The following PRKD1 variants were observed in gnomAD, a reference collection of about 807,000 sequenced individuals.
PRKD1 encodes protein kinase D1.
In PRKD1, 63 loss-of-function variants were observed where a neutral mutation model predicts 95.9. The ratio of observed to expected loss-of-function variants is 0.66; its 90% CI spans 0.54 to 0.81. The LOEUF (loss-of-function observed/expected upper bound fraction) is 0.81. Ranked by LOEUF, PRKD1 falls within the 30% of genes least tolerant of loss-of-function variation. The probability of loss-of-function intolerance (pLI) is 0.00; values close to 1 mark genes in which losing one functional copy is unlikely to be tolerated. For missense variants in PRKD1, 1,048 were observed against 1,165.3 expected (o/e 0.90, Z 1.47); for synonymous variants, 425 against 423.1 (o/e 1.00, Z -0.05).
chr14:29,684,189 C>T (rs902910972), intron 2 of PRKD1, among the ~76,000 whole-genome samples: 7 of 145,506 alleles, frequency 4.8e-5, no homozygotes, highest in African/African-American at 1.3e-4. Context: ...CTCACTCTAT[C>T]GCCCAGGCTG....
At chr14:29,925,003 C>G (rs529212758) in intron 1 of PRKD1, among the ~76,000 whole-genome samples, 1 of 152,090 alleles carries the variant, frequency 6.6e-6, no homozygotes, top group Admixed American at 6.6e-5. Flanking sequence ...TTACAGTATT[C>G]TGTATATAAA....
chr14:29,846,831 G>C (rs1892096768), intron 1 of PRKD1, among the ~76,000 whole-genome samples: 1 of 152,150 alleles, frequency 6.6e-6, no homozygotes. Context: ...ACATTGTAAA[G>C]ATACAGCTGA....
chr14:29,617,884 T>G (rs1367332927), intron 13 of PRKD1, among the ~76,000 whole-genome samples: 1 of 150,002 alleles, frequency 6.7e-6, no homozygotes, highest in South Asian at 2.1e-4. Context: ...CTGGGTAACA[T>G]AGAGAGGCTC....
intron 1 of PRKD1, among the ~76,000 whole-genome samples, chr14:29,878,715 GAGAC>G (rs1262455816): frequency 6.6e-6 from 1 of 152,150 alleles, no homozygotes; most frequent in Non-Finnish European, 1.5e-5. Context: ...CAAATTCATG[GAGAC>G]AGAAAGAAGG....
intron 1 of PRKD1, among the ~76,000 whole-genome samples, chr14:29,734,282 C>T (rs111393453): frequency 0.18 from 27,234 of 151,810 alleles, 2,520 homozygotes; most frequent in South Asian, 0.24. Flanking sequence ...CCTCATGATC[C>T]ACCCGCCTTG....
chr14:29,599,818 C>G lies in PRKD1; in HGVS notation c.1906-1G>C. The stretch of plus-strand genomic sequence containing the variant: ...TTACAACACCAGGGTGATGAAGGTT[C>G]TATTAAAGATAAATAAAGCACTTGA... On this transcript the variant is annotated splice_acceptor_variant, in intron 13 of 17. Coordinates refer to ENST00000331968, the MANE Select transcript of PRKD1 (RefSeq NM_002742.3). LOFTEE classifies it high-confidence loss of function. 1.2e-6 allele frequency: 2 copies of G among 1,602,466 alleles called. No homozygotes were observed. Among genetic ancestry groups the G allele is most frequent in the Non-Finnish European group, 1.7e-6 (2 of 1,176,868 alleles).
intron 1 of PRKD1, among the ~76,000 whole-genome samples, chr14:29,789,598 G>C (rs1179378130): frequency 6.6e-6 from 1 of 152,192 alleles, no homozygotes; most frequent in African/African-American, 2.4e-5. Flanking sequence ...AGGCACCTAG[G>C]TGGTGCCTAT....
chr14:29,903,540 A>T (rs1192791438), intron 1 of PRKD1, among the ~76,000 whole-genome samples: 4 of 152,200 alleles, frequency 2.6e-5, no homozygotes, highest in Non-Finnish European at 4.4e-5. Context: ...TGTAAAAGGT[A>T]GTCTTCCAGA....
At chr14:29,616,457 T>C (rs63040264) in intron 13 of PRKD1, among the ~76,000 whole-genome samples, 5 of 145,140 alleles carry the variant, frequency 3.4e-5, no homozygotes, top group African/African-American at 5.0e-5. Context: ...TTTTTTTTTT[T>C]CCAAGAGACA....
intron 1 of PRKD1, among the ~76,000 whole-genome samples, chr14:29,832,185 A>G (rs1260133351): frequency 6.6e-6 from 1 of 152,116 alleles, no homozygotes; most frequent in African/African-American, 2.4e-5. Context: ...TTCACCCAAT[A>G]TAGAGATAGT....
At chr14:29,873,012 T>C (rs904973282) in intron 1 of PRKD1, among the ~76,000 whole-genome samples, 1 of 152,212 alleles carries the variant, frequency 6.6e-6, no homozygotes. Flanking sequence ...AATGCATAAG[T>C]GAGGAGTACA....
chr14:29,779,866 C>G (rs1026211395), intron 1 of PRKD1, among the ~76,000 whole-genome samples: 2 of 152,196 alleles, frequency 1.3e-5, no homozygotes, highest in African/African-American at 4.8e-5. Context: ...CTGGAGGCAT[C>G]ATGCTACCTG....
chr14:29,911,693 G>T (rs1894719533), intron 1 of PRKD1, among the ~76,000 whole-genome samples: 1 of 152,164 alleles, frequency 6.6e-6, no homozygotes, highest in Non-Finnish European at 1.5e-5. Context: ...TGACATATTA[G>T]TTTCTTACTG....
intron 1 of PRKD1, among the ~76,000 whole-genome samples, chr14:29,757,084 A>G (rs1198295032): frequency 6.6e-6 from 1 of 152,214 alleles, no homozygotes; most frequent in Non-Finnish European, 1.5e-5. Context: ...GGTTAAATGA[A>G]TCAATCATGT....
At chr14:29,735,226 G>T (rs142235976) in intron 1 of PRKD1, among the ~76,000 whole-genome samples, 1 of 152,034 alleles carries the variant, frequency 6.6e-6, no homozygotes, top group Admixed American at 6.6e-5. Flanking sequence ...TCCATAACTG[G>T]TAAGAGTGCA....
chr14:29,806,178 G>A (rs1393636228), intron 1 of PRKD1, among the ~76,000 whole-genome samples: 1 of 152,186 alleles, frequency 6.6e-6, no homozygotes, highest in Non-Finnish European at 1.5e-5. Flanking sequence ...AATAACAAGA[G>A]CCATGATTAT....
intron 2 of PRKD1, among the ~76,000 whole-genome samples, chr14:29,670,796 T>C (rs1882794464): frequency 6.6e-6 from 1 of 152,192 alleles, no homozygotes; most frequent in African/African-American, 2.4e-5. Context: ...GATCAGATTC[T>C]CCCTTCATGC....
chr14:29,874,370 T>C (rs75667841), intron 1 of PRKD1, among the ~76,000 whole-genome samples: 3,977 of 152,236 alleles, frequency 0.026, 69 homozygotes, highest in Non-Finnish European at 0.039. Context: ...TTATAAACTG[T>C]TGGTGGGAAT....
intron 7 of PRKD1, 95 bp from the exon 8 acceptor site, chr14:29,634,636 A>T: frequency 6.7e-7 from 1 of 1,496,652 alleles, no homozygotes; most frequent in Admixed American, 1.7e-5. Context: ...TCCAAGTGAA[A>T]CTTTACAAAA....
Sources: gnomAD v4.1 joint callset for allele counts (sites outside exome capture counted in the v4.1 genomes callset) on GRCh38, gnomAD v4.1.1 for gene constraint, MANE v1.5 for transcripts, NCBI Gene and HGNC (gene_info 2026-07-23, HGNC 2026-07-21) for gene names.